Variants in INPP4B observed in about 807,000 individuals in gnomAD.
The protein encoded by INPP4B is inositol polyphosphate 4-phosphatase type II.
Under a neutral mutation model 122.5 loss-of-function variants are expected in INPP4B, and 55 were observed. The observed-to-expected ratio is 0.45, with a 90% CI of 0.36 to 0.56. INPP4B has a LOEUF of 0.56. Among genes scored for constraint, INPP4B ranks in the 20% least tolerant of loss-of-function variants. The pLI, the probability that INPP4B is intolerant of heterozygous loss-of-function variation, is 0.00. For synonymous variants in INPP4B, 403 were observed against 388.7 expected, an observed-to-expected ratio of 1.04 and a Z score of -0.43; for missense variants, 1,000 against 1,097.7, an observed-to-expected ratio of 0.91 and a Z score of 1.26.
intron 2 of INPP4B, among the ~76,000 whole-genome samples, chr4:142,555,565 A>T (rs1382277474): frequency 6.6e-6 from 1 of 152,112 alleles, no homozygotes; most frequent in Admixed American, 6.5e-5. Flanking sequence ...GAAACTGGTT[A>T]AAAAAATTTA....
intron 2 of INPP4B, among the ~76,000 whole-genome samples, chr4:142,534,568 A>G (rs1827972175): frequency 6.6e-6 from 1 of 152,066 alleles, no homozygotes; most frequent in Middle Eastern, 3.2e-3. Context: ...TAAATTACCC[A>G]GTCCATGGTA....
intron 18 of INPP4B, among the ~76,000 whole-genome samples, chr4:142,138,860 T>G (rs1561258386): frequency 6.6e-6 from 1 of 152,208 alleles, no homozygotes; most frequent in Non-Finnish European, 1.5e-5. Flanking sequence ...CAAACTGCAT[T>G]TGATTTTCAT....
intron 1 of INPP4B, among the ~76,000 whole-genome samples, chr4:142,789,909 T>C (rs1776300275): frequency 6.6e-6 from 1 of 151,956 alleles, no homozygotes; most frequent in Non-Finnish European, 1.5e-5. Flanking sequence ...TGGAACAGAA[T>C]AGAGAACACA....
intron 7 of INPP4B, among the ~76,000 whole-genome samples, chr4:142,398,506 T>C (rs1443477783): frequency 6.9e-6 from 1 of 144,242 alleles, no homozygotes; most frequent in Admixed American, 7.0e-5. Context: ...TATTTTTCCT[T>C]ACCCACTGTA....
intron 2 of INPP4B, among the ~76,000 whole-genome samples, chr4:142,536,664 C>T (rs1218605048): frequency 6.6e-6 from 1 of 152,124 alleles, no homozygotes; most frequent in Non-Finnish European, 1.5e-5. Context: ...TAGGCAATGA[C>T]ACTAAAGATG....
At chr4:142,070,830 TAA>T (rs1766797213) in intron 25 of INPP4B, among the ~76,000 whole-genome samples, 1 of 151,880 alleles carries the variant, frequency 6.6e-6, no homozygotes, top group East Asian at 1.9e-4. Context: ...CTCAACGAAA[TAA>T]AAGAGGACAC....
At chr4:142,724,260 A>G (rs1173499405) in intron 2 of INPP4B, among the ~76,000 whole-genome samples, 1 of 152,168 alleles carries the variant, frequency 6.6e-6, no homozygotes, top group Non-Finnish European at 1.5e-5. Context: ...TGAGTATATT[A>G]GTATATACAT....
intron 7 of INPP4B, among the ~76,000 whole-genome samples, chr4:142,342,530 G>A (rs1779016323): frequency 6.6e-6 from 1 of 152,092 alleles, no homozygotes; most frequent in South Asian, 2.1e-4. Flanking sequence ...AGCACTTTAT[G>A]TTGAGGATGG....
At chr4:142,449,006 T>C (rs531575922) in intron 3 of INPP4B, among the ~76,000 whole-genome samples, 9 of 152,306 alleles carry the variant, frequency 5.9e-5, no homozygotes, top group African/African-American at 1.9e-4. Flanking sequence ...TGGGGAAATG[T>C]TTCTGCCCAG....
chr4:142,809,973 C>A (rs1779300818), intron 1 of INPP4B, among the ~76,000 whole-genome samples: 1 of 151,916 alleles, frequency 6.6e-6, no homozygotes, highest in Admixed American at 6.6e-5. Flanking sequence ...AGTTCAACAC[C>A]AGCCTGGCCA....
intron 2 of INPP4B, among the ~76,000 whole-genome samples, chr4:142,702,826 T>A (rs928961120): frequency 1.3e-4 from 20 of 151,516 alleles, no homozygotes; most frequent in African/African-American, 3.9e-4. Context: ...CAAAAAAAAA[T>A]TTCCCTAATT....
At chr4:142,202,153 T>C (rs1840902104) in intron 14 of INPP4B, among the ~76,000 whole-genome samples, 1 of 152,116 alleles carries the variant, frequency 6.6e-6, no homozygotes, top group Admixed American at 6.6e-5. Context: ...ATTTAAGTTG[T>C]TGAGTCTTGT....
intron 14 of INPP4B, among the ~76,000 whole-genome samples, chr4:142,200,359 A>G (rs1454187682): frequency 6.6e-6 from 1 of 151,952 alleles, no homozygotes; most frequent in Non-Finnish European, 1.5e-5. Flanking sequence ...CCCTGCAATC[A>G]ACCAACTTTC....
At chr4:142,750,394 C>A (rs1481635654) in intron 1 of INPP4B, among the ~76,000 whole-genome samples, 3 of 151,972 alleles carry the variant, frequency 2.0e-5, no homozygotes, top group Non-Finnish European at 4.4e-5. Flanking sequence ...GACCAAACTG[C>A]CCCATGAAAG....
intron 11 of INPP4B, among the ~76,000 whole-genome samples, chr4:142,241,961 C>G (rs1859615996): frequency 6.6e-6 from 1 of 152,188 alleles, no homozygotes; most frequent in African/African-American, 2.4e-5. Flanking sequence ...ACTTGATTGG[C>G]TTCAGGCAGT....
At chr4:142,289,415 C>T (rs760137133) in intron 9 of INPP4B, among the ~76,000 whole-genome samples, 23 of 152,136 alleles carry the variant, frequency 1.5e-4, no homozygotes, top group Admixed American at 1.4e-3. Flanking sequence ...GTGTGCAGGA[C>T]GTGAAGGTTT....
intron 3 of INPP4B, 114 bp from the exon 4 acceptor site, chr4:142,431,499 T>G (rs1327671626): frequency 1.9e-6 from 1 of 513,944 alleles, no homozygotes; most frequent in Non-Finnish European, 3.5e-6. Flanking sequence ...TCCTGCCTAC[T>G]CCACTCATAC....
chr4:142,480,815 G>C lies in INPP4B; in HGVS notation c.-190-18089C>G, dbSNP rs558067802. Among the ~76,000 whole-genome samples the C allele has an allele frequency of 1.4e-3, 208 of 152,156 alleles. 1 individual carries two copies. Among genetic ancestry groups the C allele is most frequent in the Non-Finnish European group, 1.1e-3 (72 of 67,994 alleles). On this transcript the variant is annotated intron_variant, in intron 2 of 25. Transcript: ENST00000262992. ...GCACTTCAGGGAAGCTAGACAATAG[G>C]GATCCAAGACGAAAGTAGTTTTGGA...
intron 9 of INPP4B, among the ~76,000 whole-genome samples, chr4:142,285,514 G>GAAGGGAGGTGACATCTCTAGGTGACC (rs1554026939): frequency 4.6e-5 from 7 of 151,942 alleles, no homozygotes; most frequent in Admixed American, 6.5e-5. Flanking sequence ...GGTATACCAT[G>GAAGGGAGGTGACATCTCTAGGTGACC]TCTGAGGCCA....
Sources: allele counts gnomAD v4.1 joint callset (sites outside exome capture counted in the v4.1 genomes callset), GRCh38; gene constraint gnomAD v4.1.1; transcripts MANE v1.5; gene names NCBI Gene and HGNC (gene_info 2026-07-23, HGNC 2026-07-21).